Variants in DLGAP1 observed in about 807,000 individuals in gnomAD.
DLGAP1 encodes disks large-associated protein 1.
In DLGAP1, 11 loss-of-function variants were observed where a neutral mutation model predicts 90.8. The observed-to-expected ratio is 0.12, with a 90% CI of 0.08 to 0.20. DLGAP1 has a LOEUF of 0.20. Among genes scored for constraint, DLGAP1 ranks in the 10% least tolerant of loss-of-function variants. DLGAP1 has a pLI of 1.00. For synonymous variants in DLGAP1, 558 were observed against 540.7 expected (o/e 1.03, Z -0.44); for missense variants, 1,050 against 1,333.8 (o/e 0.79, Z 3.31).
chr18:3,916,646 T>C (rs2072151085), intron 3 of DLGAP1, among the ~76,000 whole-genome samples: 1 of 152,216 alleles, frequency 6.6e-6, no homozygotes, highest in African/African-American at 2.4e-5. Context: ...CTCTTCCCTT[T>C]AGCTTCTAAG....
intron 2 of DLGAP1, among the ~76,000 whole-genome samples, chr18:4,005,588 T>G (rs1224092481): frequency 1.3e-5 from 2 of 152,202 alleles, no homozygotes; most frequent in Non-Finnish European, 2.9e-5. Flanking sequence ...AGAGATAGGT[T>G]AGTGCCCACC....
chr18:4,284,962 T>C (rs576394077), intron 1 of DLGAP1, among the ~76,000 whole-genome samples: 9 of 152,338 alleles, frequency 5.9e-5, no homozygotes, highest in African/African-American at 2.2e-4. Context: ...GCTTTCGCAA[T>C]AAAGCAAATG....
chr18:4,094,153 T>G lies in DLGAP1; in HGVS notation c.-159+57027A>C, dbSNP rs72872626. ...TGACTGGAATTAAAAAAAATACTGA[T>G]ATGTATTATGTGGGACTTCTAAAAT... is the stretch of plus-strand genomic sequence containing the variant. On this transcript the variant is annotated intron_variant, in intron 2 of 12. Coordinates refer to ENST00000315677, the MANE Select transcript of DLGAP1 (RefSeq NM_004746.4). Among the ~76,000 whole-genome samples the G allele has an allele frequency of 4.5e-4, 68 of 152,330 alleles. 1 individual carries two copies. Among genetic ancestry groups the G allele is most frequent in the Admixed American group, 7.2e-4 (11 of 15,300 alleles).
chr18:3,654,190 T>G (rs2146493788), intron 7 of DLGAP1, among the ~76,000 whole-genome samples: 1 of 152,138 alleles, frequency 6.6e-6, no homozygotes, highest in African/African-American at 2.4e-5. Flanking sequence ...CCGCAGCCAC[T>G]CCAGAGAACT....
At chr18:4,139,238 T>G (rs564571332) in intron 2 of DLGAP1, among the ~76,000 whole-genome samples, 1 of 152,140 alleles carries the variant, frequency 6.6e-6, no homozygotes, top group East Asian at 1.9e-4. Flanking sequence ...TTTTTTCTAC[T>G]TTTTAATGTA....
intron 4 of DLGAP1, among the ~76,000 whole-genome samples, chr18:3,819,957 T>A (rs929131912): frequency 5.3e-5 from 8 of 152,218 alleles, no homozygotes; most frequent in African/African-American, 1.9e-4. Context: ...AACTACTCTA[T>A]CAGATGTAGG....
chr18:4,272,894 G>A (rs555355372), intron 1 of DLGAP1, among the ~76,000 whole-genome samples: 1 of 152,162 alleles, frequency 6.6e-6, no homozygotes, highest in African/African-American at 2.4e-5. Flanking sequence ...AAGAGGAGAG[G>A]TCACACAGAG....
At chr18:4,397,526 A>G (rs1028097999) in intron 1 of DLGAP1, among the ~76,000 whole-genome samples, 1 of 152,176 alleles carries the variant, frequency 6.6e-6, no homozygotes, top group African/African-American at 2.4e-5. Flanking sequence ...GCATTTGTAT[A>G]TTGTAACAGA....
intron 9 of DLGAP1, among the ~76,000 whole-genome samples, chr18:3,536,326 C>A (rs888289268): frequency 2.0e-5 from 3 of 151,346 alleles, no homozygotes; most frequent in African/African-American, 7.3e-5. Flanking sequence ...CTGGTTCAAG[C>A]AATTCTCCTG....
At chr18:4,175,762 G>C (rs1033378939) in intron 1 of DLGAP1, among the ~76,000 whole-genome samples, 1 of 152,082 alleles carries the variant, frequency 6.6e-6, no homozygotes, top group East Asian at 1.9e-4. Flanking sequence ...CCTCTGTTCT[G>C]TTCCATTGGT....
At chr18:4,359,390 C>T (rs2081587372) in intron 1 of DLGAP1, among the ~76,000 whole-genome samples, 1 of 152,162 alleles carries the variant, frequency 6.6e-6, no homozygotes, top group African/African-American at 2.4e-5. Flanking sequence ...GATACAGGGA[C>T]ATGGAGAAGA....
chr18:3,706,572 C>G (rs2061439118), intron 7 of DLGAP1, among the ~76,000 whole-genome samples: 1 of 152,122 alleles, frequency 6.6e-6, no homozygotes, highest in Admixed American at 6.5e-5. Flanking sequence ...CTCACCAAAG[C>G]TTGTAGGTAT....
chr18:4,286,313 C>G (rs2079690166), intron 1 of DLGAP1, among the ~76,000 whole-genome samples: 1 of 152,100 alleles, frequency 6.6e-6, no homozygotes, highest in African/African-American at 2.4e-5. Context: ...GGAAACAACA[C>G]CAGAGGCAGA....
chr18:3,685,100 G>A (rs573185345), intron 7 of DLGAP1, among the ~76,000 whole-genome samples: 11 of 152,230 alleles, frequency 7.2e-5, no homozygotes, highest in African/African-American at 2.6e-4. Flanking sequence ...TAAAAAATAA[G>A]CATATCTTCC....
chr18:3,919,424 G>A (rs1463429925), intron 3 of DLGAP1, among the ~76,000 whole-genome samples: 1 of 152,244 alleles, frequency 6.6e-6, no homozygotes, highest in African/African-American at 2.4e-5. Flanking sequence ...CTGAAAGTTA[G>A]GTTGAGGCTA....
intron 2 of DLGAP1, among the ~76,000 whole-genome samples, chr18:4,092,557 G>T (rs975087250): frequency 2.6e-5 from 4 of 152,088 alleles, no homozygotes; most frequent in Non-Finnish European, 5.9e-5. Context: ...CCCTCACCCA[G>T]GTATGGAGAT....
chr18:3,777,898 G>A (rs891258694), intron 5 of DLGAP1, among the ~76,000 whole-genome samples: 1 of 152,124 alleles, frequency 6.6e-6, no homozygotes, highest in African/African-American at 2.4e-5. Context: ...TCCTGGGTAG[G>A]TGGTCCTTTT....
chr18:4,143,256 C>T (rs958983977), intron 2 of DLGAP1, among the ~76,000 whole-genome samples: 8 of 152,070 alleles, frequency 5.3e-5, no homozygotes, highest in African/African-American at 1.9e-4. Context: ...ATCCAGGAGC[C>T]AGGGCCTGGA....
rs750835872 is a variant in DLGAP1, at chr18:3,772,134, C to CT, written c.1173-29623dup. On this transcript the variant is annotated intron_variant, in intron 5 of 12. Transcript: ENST00000315677. Reference sequence around the variant, plus strand: ...TTCTTTCCTTTCTTTCTTTTCTTTTCTTTCTCTCCTTCCTTCCTTCCCTTT... The same window carrying CT: ...TTCTTTCCTTTCTTTCTTTTCTTTTCTTTTCTCTCCTTCCTTCCTTCCCTTT... Among the ~76,000 whole-genome samples, 94 of 149,436 alleles carry CT rather than the reference C, an allele frequency of 6.3e-4. 1 individual carries two copies. Among genetic ancestry groups the CT allele is most frequent in the Middle Eastern group, 6.8e-3 (2 of 292 alleles).
Sources: allele counts gnomAD v4.1 joint callset (sites outside exome capture counted in the v4.1 genomes callset), GRCh38; gene constraint gnomAD v4.1.1; transcripts MANE v1.5; gene names NCBI Gene and HGNC (gene_info 2026-07-23, HGNC 2026-07-21).